LEPR: variants seen among roughly 807,000 people sequenced by gnomAD.
LEPR encodes the protein leptin receptor.
In LEPR, 56 loss-of-function variants were observed where a neutral mutation model predicts 114.7. The observed-to-expected ratio is 0.49, with a 90% CI of 0.39 to 0.61. LEPR has a LOEUF of 0.61. Ranked by LOEUF, LEPR falls within the 20% of genes least tolerant of loss-of-function variation. LEPR has a pLI of 0.00. For missense variants in LEPR, 1,202 were observed against 1,352.9 expected (o/e 0.89, Z 1.75); for synonymous variants, 443 against 461.4 (o/e 0.96, Z 0.51).
chr1:65,598,909 G>A, intron 8 of LEPR, 105 bp downstream of exon 8: 1 of 1,524,676 alleles, frequency 6.6e-7, no homozygotes, highest in South Asian at 1.2e-5. Context: ...AATGAAAGGA[G>A]GAACACAGTA....
chr1:65,467,691 C>T (rs1368709048), intron 2 of LEPR, among the ~76,000 whole-genome samples: 3 of 152,214 alleles, frequency 2.0e-5, no homozygotes, highest in Non-Finnish European at 4.4e-5. Flanking sequence ...GTGGGCTCCA[C>T]CCAGTTCGTG....
chr1:65,428,709 A>G (rs1646427339), intron 2 of LEPR, among the ~76,000 whole-genome samples: 1 of 152,174 alleles, frequency 6.6e-6, no homozygotes, highest in South Asian at 2.1e-4. Flanking sequence ...TGTAGTGTAT[A>G]TATAAAAATG....
intron 2 of LEPR, among the ~76,000 whole-genome samples, chr1:65,478,883 A>C (rs1647186943): frequency 6.6e-6 from 1 of 152,214 alleles, no homozygotes; most frequent in Non-Finnish European, 1.5e-5. Flanking sequence ...GAGTTTGAGT[A>C]GGTCTTGCCT....
At chr1:65,509,593 G>A (rs746065277) in intron 2 of LEPR, among the ~76,000 whole-genome samples, 5 of 152,064 alleles carry the variant, frequency 3.3e-5, no homozygotes, top group East Asian at 3.9e-4. Flanking sequence ...GAAACAGGGC[G>A]TATGTTTATC....
Position 65,421,558 on chromosome 1 carries a change from C to A in LEPR, c.-97+818C>A. On this transcript the variant is annotated intron_variant, in intron 1 of 19. Coordinates refer to ENST00000349533, the MANE Select transcript of LEPR (RefSeq NM_002303.6). ...CCTTGAAATTTGCACCCAAAGATAT[C>A]CCCAGTTAACATCTGCTATAAACAT... 2.2e-6 allele frequency: 3 copies of A among 1,352,468 alleles called. No individual in the cohort carries two copies. The South Asian group carries it at 3.8e-5, about 17-fold the overall frequency. The allele number at this position is 1,352,468 out of a possible 1,614,324, so 83.8% of individuals were successfully genotyped here.
At chr1:65,467,496 C>G (rs756841512) in intron 2 of LEPR, among the ~76,000 whole-genome samples, 8 of 152,128 alleles carry the variant, frequency 5.3e-5, no homozygotes, top group Non-Finnish European at 1.0e-4. Context: ...GGGTCAGGGA[C>G]CCACTTGAGG....
At chr1:65,446,283 A>C (rs1268481995) in intron 2 of LEPR, among the ~76,000 whole-genome samples, 6 of 152,220 alleles carry the variant, frequency 3.9e-5, no homozygotes, top group Admixed American at 3.9e-4. Context: ...TCAGTTGTTA[A>C]ATTTTAGCCA....
chr1:65,425,216 T>C (rs961233561), intron 1 of LEPR, 87 bp from the exon 2 acceptor site: 1 of 1,098,846 alleles, frequency 9.1e-7, no homozygotes, highest in Non-Finnish European at 1.4e-6. Context: ...CTGGACCTAT[T>C]AGAAGTCACT....
At chr1:65,564,868 G>T in intron 2 of LEPR, among the ~76,000 whole-genome samples, 1 of 152,260 alleles carries the variant, frequency 6.6e-6, no homozygotes, top group South Asian at 2.1e-4. Flanking sequence ...TTGGATTTAT[G>T]ACATAGTAGT....
chr1:65,572,290 GTTTTTTTTTTTTTTT>G, intron 4 of LEPR, 21 bp from the exon 5 acceptor site: 14 of 798,594 alleles, frequency 1.8e-5, no homozygotes, highest in Non-Finnish European at 2.1e-5. Context: ...TCATGTAGTT[GTTTTTTTTTTTTTTT>G]TTTTTTTTTT....
intron 2 of LEPR, among the ~76,000 whole-genome samples, chr1:65,549,288 T>C (rs1264385708): frequency 1.3e-5 from 2 of 150,348 alleles, no homozygotes; most frequent in African/African-American, 4.9e-5. Context: ...TTATGTGTCT[T>C]GGAGTTGCTC....
At chr1:65,595,872 T>C (rs1557684927) in intron 6 of LEPR, among the ~76,000 whole-genome samples, 1 of 152,118 alleles carries the variant, frequency 6.6e-6, no homozygotes, top group Non-Finnish European at 1.5e-5. Flanking sequence ...ACATTTTTAA[T>C]ATTCTGAGAA....
chr1:65,579,070 G>A (rs1430869307), intron 5 of LEPR, among the ~76,000 whole-genome samples: 1 of 152,134 alleles, frequency 6.6e-6, no homozygotes, highest in Non-Finnish European at 1.5e-5. Context: ...TCGTCATGAG[G>A]GCTAGTGTCT....
chr1:65,423,289 C>T (rs556285881), intron 1 of LEPR, among the ~76,000 whole-genome samples: 4 of 151,676 alleles, frequency 2.6e-5, no homozygotes, highest in South Asian at 2.1e-4. Flanking sequence ...AGCAGGAGTG[C>T]GTGGAGTGAA....
intron 5 of LEPR, among the ~76,000 whole-genome samples, chr1:65,590,938 C>T (rs1460109583): frequency 6.6e-6 from 1 of 150,392 alleles, no homozygotes; most frequent in Non-Finnish European, 1.5e-5. Flanking sequence ...TGATCTGAGA[C>T]TTTTCTTTTT....
intron 16 of LEPR, among the ~76,000 whole-genome samples, chr1:65,619,687 G>A (rs986349203): frequency 6.6e-6 from 1 of 152,094 alleles, no homozygotes; most frequent in Non-Finnish European, 1.5e-5. Context: ...TTGAAAAATT[G>A]CAATCTTCTG....
At chr1:65,575,821 T>C (rs540078545) in intron 5 of LEPR, among the ~76,000 whole-genome samples, 1 of 151,586 alleles carries the variant, frequency 6.6e-6, no homozygotes, top group South Asian at 2.1e-4. Flanking sequence ...GAGTTAAAAT[T>C]ATATTCTGAT....
chr1:65,565,577 A>C lies in LEPR; in HGVS notation c.12A>C (p.Gln4His). 6.2e-7 allele frequency: 1 copy of C among 1,613,946 alleles called. No homozygotes were observed. ...TTCTCTGAAGTAAGATGATTTGTCA[A>C]AAATTCTGTGTGGTTTTGTTACATT... Reference protein sequence around the residue: MICQKFCVVLLHWE... With the variant: MICHKFCVVLLHWE... Residue 4 changes from glutamine (Q) to histidine (H), a missense_variant, in exon 3 of 20, where the codon CAA (glutamine) becomes CAC (histidine). Physicochemically the swap from Gln to His is conservative, Grantham distance 24 (BLOSUM62 0). Transcript: ENST00000349533.
intron 2 of LEPR, among the ~76,000 whole-genome samples, chr1:65,535,886 TC>T (rs1557646089): frequency 6.6e-6 from 1 of 152,228 alleles, no homozygotes; most frequent in African/African-American, 2.4e-5. Context: ...TGCTTCATAT[TC>T]CTCTGCATCT....
Sources: allele counts gnomAD v4.1 joint callset (sites outside exome capture counted in the v4.1 genomes callset), GRCh38; gene constraint gnomAD v4.1.1; transcripts MANE v1.5; gene names NCBI Gene and HGNC (gene_info 2026-07-23, HGNC 2026-07-21).